Variants in BCKDHB observed in about 807,000 individuals in gnomAD.
BCKDHB encodes the protein 2-oxoisovalerate dehydrogenase subunit beta, mitochondrial.
In BCKDHB, 41 loss-of-function variants were observed where a neutral mutation model predicts 48.5. The observed-to-expected ratio is 0.85, with a 90% CI of 0.66 to 1.10. The LOEUF is 1.10. Ranked by LOEUF, BCKDHB falls within the 50% of genes least tolerant of loss-of-function variation. The pLI is 0.00. For synonymous variants in BCKDHB, 201 were observed against 174.8 expected, an observed-to-expected ratio of 1.15 and a Z score of -1.18; for missense variants, 496 against 494.2, an observed-to-expected ratio of 1.00 and a Z score of -0.03.
At chr6:80,358,169 C>G in the BCKDHB span, among the ~76,000 whole-genome samples, 12 of 151,766 alleles carry the variant, frequency 7.9e-5, no homozygotes, top group South Asian at 1.7e-3. Flanking sequence ...TCTTCCTAAC[C>G]TTCTATGTAT....
intron 8 of BCKDHB, among the ~76,000 whole-genome samples, chr6:80,238,922 A>C (rs1407045350): frequency 6.6e-6 from 1 of 152,212 alleles, no homozygotes; most frequent in South Asian, 2.1e-4. Context: ...CCTGCAAAGG[A>C]CATGAACTCA....
intron 8 of BCKDHB, among the ~76,000 whole-genome samples, chr6:80,222,191 T>C (rs1775489117): frequency 6.6e-6 from 1 of 152,204 alleles, no homozygotes; most frequent in Non-Finnish European, 1.5e-5. Flanking sequence ...ATTGTTTAGC[T>C]CCTACTTATA....
chr6:80,428,180 T>C, the BCKDHB span, among the ~76,000 whole-genome samples: 1 of 152,218 alleles, frequency 6.6e-6, no homozygotes, highest in Non-Finnish European at 1.5e-5. Flanking sequence ...GCTTTAACCA[T>C]GTCCCTGCAA....
At chr6:80,139,902 C>T (rs1771101800) in intron 3 of BCKDHB, among the ~76,000 whole-genome samples, 1 of 152,126 alleles carries the variant, frequency 6.6e-6, no homozygotes, top group African/African-American at 2.4e-5. Flanking sequence ...GGCAGTATGG[C>T]CATTTTCACG....
At chr6:80,167,372 T>C (rs1031934335) in intron 3 of BCKDHB, among the ~76,000 whole-genome samples, 1 of 152,164 alleles carries the variant, frequency 6.6e-6, no homozygotes, top group Non-Finnish European at 1.5e-5. Context: ...TACTTACAAT[T>C]AATACAATTA....
At chr6:80,142,849 T>C (rs1771291312) in intron 3 of BCKDHB, among the ~76,000 whole-genome samples, 1 of 152,144 alleles carries the variant, frequency 6.6e-6, no homozygotes, top group Non-Finnish European at 1.5e-5. Flanking sequence ...TAGATTAGCT[T>C]AGATCAGTCC....
At chr6:80,423,311 TG>T in the BCKDHB span, among the ~76,000 whole-genome samples, 1 of 152,318 alleles carries the variant, frequency 6.6e-6, no homozygotes, top group African/African-American at 2.4e-5. Context: ...AAACCTGTTT[TG>T]TTCATAAATT....
At chr6:80,181,917 CAA>C (rs1773431394) in intron 6 of BCKDHB, among the ~76,000 whole-genome samples, 1 of 152,124 alleles carries the variant, frequency 6.6e-6, no homozygotes, top group Admixed American at 6.5e-5. Flanking sequence ...AAAGTACAAA[CAA>C]AGATAAAAGG....
chr6:80,158,516 C>T (rs2127763005), intron 3 of BCKDHB, among the ~76,000 whole-genome samples: 1 of 152,192 alleles, frequency 6.6e-6, no homozygotes, highest in East Asian at 1.9e-4. Flanking sequence ...TATTCTAGAA[C>T]CATAAAAATA....
At chr6:80,338,282 C>G (rs557378248) in intron 9 of BCKDHB, among the ~76,000 whole-genome samples, 1 of 152,312 alleles carries the variant, frequency 6.6e-6, no homozygotes, top group Middle Eastern at 3.4e-3. Flanking sequence ...TTCATTACAT[C>G]CAGTTGTCTA....
the BCKDHB span, among the ~76,000 whole-genome samples, chr6:80,411,872 C>A: frequency 1.3e-5 from 2 of 152,218 alleles, no homozygotes; most frequent in Non-Finnish European, 2.9e-5. Context: ...TCACAGCTTC[C>A]TTGGTTAGGA....
chr6:80,117,884 A>G (rs529100451), intron 1 of BCKDHB, among the ~76,000 whole-genome samples: 23 of 152,096 alleles, frequency 1.5e-4, no homozygotes, highest in Non-Finnish European at 2.9e-4. Flanking sequence ...CCACAACTCT[A>G]TATTTCTGTG....
chr6:80,338,971 G>A (rs1438389356), intron 9 of BCKDHB, among the ~76,000 whole-genome samples: 5 of 150,866 alleles, frequency 3.3e-5, no homozygotes, highest in Admixed American at 2.7e-4. Context: ...TCCAAATTCC[G>A]TGCTGTATCA....
At chr6:80,445,001 T>C in the BCKDHB span, among the ~76,000 whole-genome samples, 2 of 152,212 alleles carry the variant, frequency 1.3e-5, no homozygotes, top group African/African-American at 4.8e-5. Flanking sequence ...TGGCTGTCTA[T>C]AGAAATGAAT....
intron 9 of BCKDHB, among the ~76,000 whole-genome samples, chr6:80,323,828 A>G (rs1348556246): frequency 6.6e-6 from 1 of 152,210 alleles, no homozygotes; most frequent in Non-Finnish European, 1.5e-5. Flanking sequence ...GCTGGCGTGC[A>G]GTGGCGCCAT....
rs1245877453 is a variant in BCKDHB at position 80,120,701 on chromosome 6, A to T, written c.197-6846A>T. 2.6e-5 allele frequency among the ~76,000 whole-genome samples: 4 copies of T among 151,966 alleles called. No individual in the cohort carries two copies. In the East Asian group the frequency reaches 5.8e-4, roughly 22 times the overall value. On this transcript the variant is annotated intron_variant, in intron 1 of 9. Coordinates refer to ENST00000320393, the MANE Select transcript of BCKDHB (RefSeq NM_183050.4). The stretch of plus-strand genomic sequence containing the variant: ...GTTCATATTCTTTGCCCACTTTTTG[A>T]TGGGTTTGTTTGTCTTTTTCTTGTA...
intron 9 of BCKDHB, chr6:80,307,758 A>G: frequency 1.0e-6 from 1 of 982,480 alleles, no homozygotes; most frequent in African/African-American, 1.7e-5. Context: ...TTTTAGTAGA[A>G]GATGAAGCAC....
intron 3 of BCKDHB, among the ~76,000 whole-genome samples, chr6:80,165,424 C>T (rs888106834): frequency 5.9e-5 from 9 of 152,076 alleles, no homozygotes; most frequent in Non-Finnish European, 1.2e-4. Context: ...TGTGTCTGGT[C>T]GGCATTTCCC....
At chr6:80,129,553 T>C (rs1477244165) in intron 3 of BCKDHB, among the ~76,000 whole-genome samples, 1 of 152,150 alleles carries the variant, frequency 6.6e-6, no homozygotes, top group Non-Finnish European at 1.5e-5. Flanking sequence ...TTCAATTCCA[T>C]TGCCTCCAGT....
Sources: allele counts gnomAD v4.1 joint callset (sites outside exome capture counted in the v4.1 genomes callset), GRCh38; gene constraint gnomAD v4.1.1; transcripts MANE v1.5; gene names NCBI Gene and HGNC (gene_info 2026-07-23, HGNC 2026-07-21).